RAB30: variants seen among roughly 807,000 people sequenced by gnomAD.
RAB30 encodes RAB30, member RAS oncogene family, also known as ras-related protein Rab-30.
In RAB30, 9 loss-of-function variants were observed where a neutral mutation model predicts 25.1. That is an observed-to-expected ratio of 0.36 (90% CI 0.22 to 0.63). RAB30 has a LOEUF of 0.63. RAB30 is among the 20% of genes least tolerant of loss of function. The probability of loss-of-function intolerance (pLI) is 0.69; values close to 1 mark genes in which losing one functional copy is unlikely to be tolerated. For missense variants in RAB30, 140 were observed against 243.5 expected (o/e 0.58, Z 2.83); for synonymous variants, 77 against 86.4 (o/e 0.89, Z 0.60).
rs1018646700 is a variant in RAB30 at position 83,047,272 on chromosome 11, G to T, written c.-9+24419C>A. Among the ~76,000 whole-genome samples the T allele has an allele frequency of 3.9e-5, 6 of 152,142 alleles. No homozygotes were observed. In the South Asian group the frequency reaches 8.3e-4, roughly 21 times the overall value. ...AAAGGCCTGGAGCTCAGATAACCAG[G>T]ATTAAAACTCACCTTGTTCCACCAA... On this transcript the variant is annotated intron_variant, in intron 1 of 4. Transcript: ENST00000527633.
In RAB30 at chr11:83,071,858, A is replaced by T. The variant is rs1195951552; in HGVS notation, c.-176T>A. The T allele has an allele frequency of 2.7e-6, 1 of 373,162 alleles. No homozygotes were observed. Among genetic ancestry groups the T allele is most frequent in the Non-Finnish European group, 4.7e-6 (1 of 210,758 alleles). 23.1% of individuals were successfully genotyped at this position (373,162 alleles called of 1,614,324 possible). On this transcript the variant is annotated 5_prime_UTR_variant, in exon 1 of 5. The change creates a new upstream start codon in the 5' untranslated region. Coordinates refer to ENST00000527633, the MANE Select transcript of RAB30 (RefSeq NM_001286060.2). ...TCAGCTGGAGCGAGCGGCAATCGCA[A>T]GCCCAGCAGCAGCAGGGGGTGGAGA...
At chr11:83,020,024 C>G (rs1555035949) in intron 1 of RAB30, among the ~76,000 whole-genome samples, 1 of 152,256 alleles carries the variant, frequency 6.6e-6, no homozygotes, top group Non-Finnish European at 1.5e-5. Context: ...TTCCATGGAG[C>G]TGGCGAGAGC....
At chr11:82,994,847 A>C (rs931548990) in intron 2 of RAB30, among the ~76,000 whole-genome samples, 1 of 152,156 alleles carries the variant, frequency 6.6e-6, no homozygotes, top group African/African-American at 2.4e-5. Flanking sequence ...ACAGCACTAA[A>C]CCAGGAGGCA....
rs192679887 is a variant in RAB30, at chr11:83,026,998, C to T, written c.-8-29674G>A. Reference sequence around the variant, plus strand: ...CAGTACCTTGTACTCCTAGAGCAGGCGTATAGGATGCTAGAATAAAGAACA... The same window carrying T: ...CAGTACCTTGTACTCCTAGAGCAGGTGTATAGGATGCTAGAATAAAGAACA... On this transcript the variant is annotated intron_variant, in intron 1 of 4. Coordinates refer to ENST00000527633, the MANE Select transcript of RAB30 (RefSeq NM_001286060.2). Among the ~76,000 whole-genome samples, 337 of 152,068 alleles carry T rather than the reference C, an allele frequency of 2.2e-3. 1 individual carries two copies. The highest frequency in any genetic ancestry group is 3.9e-3 in the Non-Finnish European group (266 of 68,002).
intron 1 of RAB30, among the ~76,000 whole-genome samples, chr11:83,064,210 G>A (rs992533662): frequency 3.3e-5 from 5 of 152,006 alleles, no homozygotes; most frequent in Admixed American, 6.6e-5. Context: ...TGCCTCAGCC[G>A]CACCCTTCCC....
At chr11:83,059,731 C>T (rs1858527896) in intron 1 of RAB30, among the ~76,000 whole-genome samples, 1 of 152,182 alleles carries the variant, frequency 6.6e-6, no homozygotes, top group Non-Finnish European at 1.5e-5. Context: ...ATCTCGCCTA[C>T]TTTATCAGAT....
intron 1 of RAB30, among the ~76,000 whole-genome samples, chr11:83,058,362 C>CT (rs1325134232): frequency 5.3e-5 from 8 of 152,244 alleles, no homozygotes; most frequent in African/African-American, 1.9e-4. Flanking sequence ...TAAAATTTCT[C>CT]TAATATCCAA....
intron 2 of RAB30, among the ~76,000 whole-genome samples, chr11:82,995,113 C>G (rs559119482): frequency 6.6e-6 from 1 of 152,298 alleles, no homozygotes; most frequent in South Asian, 2.1e-4. Context: ...CAAGAAAGAA[C>G]TCTTCACCCA....
intron 1 of RAB30, among the ~76,000 whole-genome samples, chr11:83,023,175 CT>C (rs1469473208): frequency 6.6e-6 from 1 of 152,122 alleles, no homozygotes; most frequent in African/African-American, 2.4e-5. Context: ...TTGGGAACCA[CT>C]GCTTTACCCA....
intron 1 of RAB30, among the ~76,000 whole-genome samples, chr11:83,014,368 T>G (rs1008397941): frequency 6.6e-6 from 1 of 151,998 alleles, no homozygotes; most frequent in Non-Finnish European, 1.5e-5. Flanking sequence ...GACAACACAG[T>G]GAGACCTCAT....
chr11:83,067,405 G>A (rs1259674652), intron 1 of RAB30, among the ~76,000 whole-genome samples: 1 of 152,124 alleles, frequency 6.6e-6, no homozygotes, highest in Non-Finnish European at 1.5e-5. Context: ...TAAATAAGCA[G>A]TGTCCAGTGT....
intron 1 of RAB30, among the ~76,000 whole-genome samples, chr11:83,013,904 A>G (rs7941087): frequency 0.086 from 13,037 of 152,278 alleles, 1,310 homozygotes; most frequent in African/African-American, 0.24. Flanking sequence ...TATCAAATTA[A>G]ATAATGCAAG....
intron 1 of RAB30, among the ~76,000 whole-genome samples, chr11:83,024,297 T>C (rs1014737543): frequency 8.5e-5 from 13 of 152,210 alleles, no homozygotes; most frequent in African/African-American, 3.1e-4. Flanking sequence ...CTTCTTACAC[T>C]GGCCCTGTGT....
intron 4 of RAB30, among the ~76,000 whole-genome samples, chr11:82,984,721 T>C (rs1001984134): frequency 4.6e-5 from 7 of 152,172 alleles, no homozygotes; most frequent in African/African-American, 1.7e-4. Context: ...AACACCTCGG[T>C]TGTGGCCTCT....
Position 83,071,173 on chromosome 11 carries a change from TACAC to T in RAB30, c.-9+514_-9+517del, listed in dbSNP as rs539054316. ...AAAGGCGAGACAAACCACATAGACA[TACAC>T]ACATAAAATAAAGCCCTACAAAACT... is the stretch of plus-strand genomic sequence containing the variant. On this transcript the variant is annotated intron_variant, in intron 1 of 4. Transcript: ENST00000527633. Among the ~76,000 whole-genome samples, 234 of 152,326 alleles carry T rather than the reference TACAC, an allele frequency of 1.5e-3. 3 individuals are homozygous for T. The highest frequency in any genetic ancestry group is 5.1e-3 in the African/African-American group (213 of 41,566).
chr11:82,979,420 T>C lies in RAB30; in HGVS notation c.*2745A>G, dbSNP rs2121423056. On this transcript the variant is annotated 3_prime_UTR_variant, in exon 5 of 5. Coordinates refer to ENST00000527633, the MANE Select transcript of RAB30 (RefSeq NM_001286060.2). ...TTTTTCATCCACCACTAAATGAGAG[T>C]TCATTTTTATCTAAAGAAGGCTCAT... is the stretch of plus-strand genomic sequence containing the variant. The C allele has an allele frequency of 6.6e-6, 1 of 152,148 alleles. No individual in the cohort carries two copies. The highest frequency in any genetic ancestry group is 2.1e-4 in the South Asian group (1 of 4,810). 9.4% of individuals were successfully genotyped at this position (152,148 alleles called of 1,614,324 possible). A position where few individuals can be genotyped will look rare whatever the true frequency, so the allele number is the denominator to read the frequency against.
chr11:83,014,150 A>G (rs183660583), intron 1 of RAB30, among the ~76,000 whole-genome samples: 44 of 152,366 alleles, frequency 2.9e-4, no homozygotes, highest in African/African-American at 9.6e-4. Context: ...GAAAAGTATC[A>G]GACAGTGATA....
intron 1 of RAB30, among the ~76,000 whole-genome samples, chr11:83,001,041 C>A (rs1271539783): frequency 1.1e-5 from 1 of 95,154 alleles, no homozygotes; most frequent in Non-Finnish European, 1.9e-5. Context: ...AACGAGACTC[C>A]GTCTCAAAAA....
rs919428832 is a variant in RAB30, at chr11:82,974,514, C to T, written c.*7651G>A. Reference sequence around the variant, plus strand: ...ATATTTGCATATTAACATTTAAAATCAAGTACTATTCTTATATTGAAGTTG... The same window carrying T: ...ATATTTGCATATTAACATTTAAAATTAAGTACTATTCTTATATTGAAGTTG... On this transcript the variant is annotated 3_prime_UTR_variant, in exon 5 of 5. Coordinates refer to ENST00000527633, the MANE Select transcript of RAB30 (RefSeq NM_001286060.2). The T allele has an allele frequency of 6.6e-6, 1 of 152,084 alleles. No individual in the cohort carries two copies. Among genetic ancestry groups the T allele is most frequent in the Non-Finnish European group, 1.5e-5 (1 of 68,000 alleles). The allele number at this position is 152,084 out of a possible 1,614,324, so 9.4% of individuals were successfully genotyped here. A position where few individuals can be genotyped will look rare whatever the true frequency, so the allele number is the denominator to read the frequency against.
Sources: gnomAD v4.1 joint callset for allele counts (sites outside exome capture counted in the v4.1 genomes callset) on GRCh38, gnomAD v4.1.1 for gene constraint, MANE v1.5 for transcripts, NCBI Gene and HGNC (gene_info 2026-07-23, HGNC 2026-07-21) for gene names.